FLACC1: variants seen among roughly 807,000 people sequenced by gnomAD.
FLACC1 encodes the protein flagellum-associated coiled-coil domain-containing protein 1.
Under a neutral mutation model 62.8 loss-of-function variants are expected in FLACC1, and 66 were observed. The ratio of observed to expected loss-of-function variants is 1.05; its 90% CI spans 0.86 to 1.29. The LOEUF (loss-of-function observed/expected upper bound fraction) is 1.29, where lower values mean the gene tolerates loss of function less well. Ranked by LOEUF, FLACC1 falls within the 50% of genes most tolerant of loss-of-function variation. FLACC1 has a pLI of 0.00. For missense variants in FLACC1, 452 were observed against 489.1 expected (o/e 0.92, Z 0.71); for synonymous variants, 156 against 161.0 (o/e 0.97, Z 0.24).
intron 11 of FLACC1, among the ~76,000 whole-genome samples, chr2:201,306,894 G>C (rs1950118129): frequency 6.6e-6 from 1 of 152,100 alleles, no homozygotes; most frequent in South Asian, 2.1e-4. Flanking sequence ...GGCACTTTAT[G>C]GAAGAACATA....
chr2:201,347,519 C>T (rs1950939419), intron 4 of FLACC1, among the ~76,000 whole-genome samples: 1 of 152,048 alleles, frequency 6.6e-6, no homozygotes. Flanking sequence ...TGGCTCTTTT[C>T]CCTGGCTCTT....
At chr2:201,320,649 C>A (rs556250990) in intron 9 of FLACC1, among the ~76,000 whole-genome samples, 1 of 152,204 alleles carries the variant, frequency 6.6e-6, no homozygotes, top group Non-Finnish European at 1.5e-5. Flanking sequence ...GAACCACTCC[C>A]ATCCCCTGGC....
rs959154364 is a variant in FLACC1 at position 201,357,162 on chromosome 2, T to C, written c.-228A>G. 4 of 152,242 alleles carry C rather than the reference T, an allele frequency of 2.6e-5. No individual in the cohort carries two copies. The highest frequency in any genetic ancestry group is 2.0e-4 in the Admixed American group (3 of 15,294). 9.4% of individuals were successfully genotyped at this position (152,242 alleles called of 1,614,324 possible). On this transcript the variant is annotated 5_prime_UTR_variant, in exon 1 of 15. Coordinates refer to ENST00000392257, the MANE Select transcript of FLACC1 (RefSeq NM_001127391.3). ...GCCGAAGGAGAAAATTCACAGTATA[T>C]GTACTGCGGGAAGACAGACTTCTAG...
intron 7 of FLACC1, among the ~76,000 whole-genome samples, chr2:201,332,106 G>A (rs1950605526): frequency 6.6e-6 from 1 of 151,832 alleles, no homozygotes; most frequent in Non-Finnish European, 1.5e-5. Flanking sequence ...TCTCCACCAG[G>A]ATTTCTTTTT....
chr2:201,289,659 T>TC, intron 13 of FLACC1, 37 bp downstream of exon 13: 1 of 1,611,570 alleles, frequency 6.2e-7, no homozygotes, highest in South Asian at 1.1e-5. Flanking sequence ...CCTGGGTTCT[T>TC]CCCCCAACCC....
chr2:201,333,234 A>G (rs1950628953), intron 7 of FLACC1, among the ~76,000 whole-genome samples: 1 of 152,034 alleles, frequency 6.6e-6, no homozygotes, highest in Non-Finnish European at 1.5e-5. Flanking sequence ...CGCCTTCTTG[A>G]TAATAGCTAT....
chr2:201,330,743 C>T lies in FLACC1; in HGVS notation c.615G>A (p.Glu205=), dbSNP rs374711180. The change falls in exon 8 of 15, where the codon GAG becomes GAA. Residue 205 remains glutamate (E), a synonymous_variant. Transcript: ENST00000392257. ...ALKAEKLAAQ[E]KLEEMGKEYK... ...CCCAGGTCCCAGCAGTACCTAGCTT[C>T]TCTTGGGCAGCCAACTTCTCTGCCT... 1.9e-5 allele frequency: 31 copies of T among 1,613,766 alleles called. No homozygotes were observed. The highest frequency in any genetic ancestry group is 2.6e-5 in the Non-Finnish European group (31 of 1,179,954).
the FLACC1 span, among the ~76,000 whole-genome samples, chr2:201,363,699 A>G: frequency 2.0e-5 from 3 of 152,154 alleles, no homozygotes; most frequent in Admixed American, 1.3e-4. Flanking sequence ...ACTTGCCTGG[A>G]ACAGCAGCCT....
chr2:201,295,332 G>C (rs1949835641), intron 12 of FLACC1, among the ~76,000 whole-genome samples: 1 of 152,112 alleles, frequency 6.6e-6, no homozygotes, highest in East Asian at 1.9e-4. Flanking sequence ...CAATGGAACA[G>C]AACAGAGCCC....
At chr2:201,319,906 G>A (rs1180462896) in intron 9 of FLACC1, among the ~76,000 whole-genome samples, 2 of 152,248 alleles carry the variant, frequency 1.3e-5, no homozygotes, top group African/African-American at 4.8e-5. Context: ...GCAGGAGGCT[G>A]CAGGTTACAC....
At chr2:201,322,946 C>T (rs914203937) in intron 9 of FLACC1, among the ~76,000 whole-genome samples, 4 of 151,982 alleles carry the variant, frequency 2.6e-5, no homozygotes, top group Non-Finnish European at 5.9e-5. Flanking sequence ...ATACAAAATG[C>T]AGCAGAAAGC....
At chr2:201,321,439 G>T (rs539050509) in intron 9 of FLACC1, among the ~76,000 whole-genome samples, 4 of 152,278 alleles carry the variant, frequency 2.6e-5, no homozygotes, top group African/African-American at 9.6e-5. Context: ...CAGTTGCAGT[G>T]CTGGGCTCAG....
chr2:201,294,099 A>G (rs1290600663), intron 12 of FLACC1, among the ~76,000 whole-genome samples: 1 of 152,222 alleles, frequency 6.6e-6, no homozygotes, highest in Admixed American at 6.5e-5. Context: ...AGGTACAAGG[A>G]GGAGCTGGTA....
intron 9 of FLACC1, among the ~76,000 whole-genome samples, chr2:201,323,981 A>T (rs924210154): frequency 3.9e-5 from 6 of 152,184 alleles, no homozygotes; most frequent in Non-Finnish European, 8.8e-5. Flanking sequence ...AATTAACATG[A>T]TGAAGAGAAG....
intron 9 of FLACC1, among the ~76,000 whole-genome samples, chr2:201,315,737 C>A (rs1950296210): frequency 6.6e-6 from 1 of 152,144 alleles, no homozygotes; most frequent in African/African-American, 2.4e-5. Context: ...TTCTATCCAA[C>A]AACCCCAGAA....
intron 6 of FLACC1, 146 bp from the exon 7 acceptor site, chr2:201,342,577 T>C (rs371294893): frequency 1.6e-5 from 11 of 685,638 alleles, no homozygotes; most frequent in African/African-American, 1.4e-4. Flanking sequence ...TCTTCCACTG[T>C]GCTCTGCAGT....
chr2:201,306,972 T>C (rs1043953900), intron 11 of FLACC1, among the ~76,000 whole-genome samples: 1 of 152,116 alleles, frequency 6.6e-6, no homozygotes, highest in Non-Finnish European at 1.5e-5. Context: ...ACTAAAACCA[T>C]AATGAAGTAC....
intron 7 of FLACC1, among the ~76,000 whole-genome samples, chr2:201,340,717 G>T (rs73988738): frequency 0.066 from 10,022 of 152,150 alleles, 677 homozygotes; most frequent in East Asian, 0.25. Flanking sequence ...ATTGAGTGTT[G>T]TGCATTCATA....
intron 11 of FLACC1, among the ~76,000 whole-genome samples, chr2:201,301,075 A>G (rs1056987999): frequency 6.6e-6 from 1 of 152,216 alleles, no homozygotes; most frequent in African/African-American, 2.4e-5. Flanking sequence ...TGGACAGAGA[A>G]TGAATTGACG....
Sources: allele counts gnomAD v4.1 joint callset (sites outside exome capture counted in the v4.1 genomes callset), GRCh38; gene constraint gnomAD v4.1.1; transcripts MANE v1.5; gene names NCBI Gene and HGNC (gene_info 2026-07-23, HGNC 2026-07-21).